Variants in PCDHGA1 observed in about 807,000 individuals in gnomAD.
The protein encoded by PCDHGA1 is protocadherin gamma subfamily A, 1.
A neutral mutation model predicts 58.0 loss-of-function variants in PCDHGA1; 32 were observed. That is an observed-to-expected ratio of 0.55 (90% CI 0.42 to 0.74). PCDHGA1 has a LOEUF of 0.74. PCDHGA1 is among the 30% of genes least tolerant of loss of function. The pLI, the probability that PCDHGA1 is intolerant of heterozygous loss-of-function variation, is 0.00. For missense variants in PCDHGA1, 1,205 were observed against 1,182.3 expected, an observed-to-expected ratio of 1.02 and a Z score of -0.28; for synonymous variants, 498 against 501.1, an observed-to-expected ratio of 0.99 and a Z score of 0.08.
At chr5:141,336,721 AT>A (rs1418478559) in intron 1 of PCDHGA1, among the ~76,000 whole-genome samples, 5 of 152,196 alleles carry the variant, frequency 3.3e-5, no homozygotes, top group African/African-American at 1.2e-4. Context: ...CATAACATTG[AT>A]TTTTGGCAAT....
At chr5:141,340,544 T>G (rs1195362983) in intron 1 of PCDHGA1, 4 of 1,614,224 alleles carry the variant, frequency 2.5e-6, no homozygotes, top group Non-Finnish European at 3.4e-6. Flanking sequence ...TTATGAGCAG[T>G]TGCGAGACTT....
At chr5:141,379,481 A>G (rs969144576) in intron 1 of PCDHGA1, 6 of 152,256 alleles carry the variant, frequency 3.9e-5, no homozygotes, top group Non-Finnish European at 5.9e-5. Context: ...ATGTTATTTT[A>G]CTATACTACC....
rs147674746 is a variant in PCDHGA1, at chr5:141,477,348, C to G, written c.2422-17459C>G. 7 of 1,614,180 alleles carry G rather than the reference C, an allele frequency of 4.3e-6. No individual in the cohort carries two copies. Among genetic ancestry groups the G allele is most frequent in the Non-Finnish European group, 5.9e-6 (7 of 1,180,030 alleles). ...CTCAAGAATTACTTCACTTTGAAAA[C>G]CAGTGCAGACCTGGATCGGGAGACT... is the stretch of plus-strand genomic sequence containing the variant. On this transcript the variant is annotated intron_variant, in intron 1 of 3. Transcript: ENST00000517417. The surrounding 1 kb of genome is among the most constrained non-coding windows in gnomAD (Gnocchi z 4.9).
At chr5:141,355,466 G>GTAT (rs767658844) in intron 1 of PCDHGA1, 12 of 1,613,976 alleles carry the variant, frequency 7.4e-6, no homozygotes, top group Non-Finnish European at 1.0e-5. Flanking sequence ...ACCGCGGGTA[G>GTAT]GATAGACAGG....
At chr5:141,349,984 C>T (rs769244141) in intron 1 of PCDHGA1, 1 of 306,668 alleles carries the variant, frequency 3.3e-6, no homozygotes. Flanking sequence ...CAAGAGGTTG[C>T]GCTTTGAGGA....
chr5:141,376,836 G>T, intron 1 of PCDHGA1: 1 of 252,676 alleles, frequency 4.0e-6, no homozygotes, highest in Admixed American at 5.1e-5. Context: ...ACAGGCGCCC[G>T]CCACCGCGCC....
chr5:141,361,794 C>T (rs1326854162), intron 1 of PCDHGA1: 1 of 1,613,214 alleles, frequency 6.2e-7, no homozygotes, highest in Non-Finnish European at 8.5e-7. Flanking sequence ...TGTTAGTGGG[C>T]GACCTCAATG....
Position 141,334,759 on chromosome 5 carries a change from A to G in PCDHGA1, c.2421+1654A>G, listed in dbSNP as rs1489460367. 6.6e-6 allele frequency: 1 copy of G among 152,262 alleles called. No individual in the cohort carries two copies. The highest frequency in any genetic ancestry group is 2.4e-5 in the African/African-American group (1 of 41,476). The allele number at this position is 152,262 out of a possible 1,614,324, so 9.4% of individuals were successfully genotyped here. On this transcript the variant is annotated intron_variant, in intron 1 of 3. Transcript: ENST00000517417. The surrounding 1 kb of genome is among the most constrained non-coding windows in gnomAD (Gnocchi z 4.6). ...ATATGTGAGCTGTGGTATCCAGAAT[A>G]TCACTGCTGTGCATCATTAAAGCGT...
chr5:141,374,977 T>C, intron 1 of PCDHGA1: 2 of 1,614,020 alleles, frequency 1.2e-6, no homozygotes, highest in Non-Finnish European at 1.7e-6. Flanking sequence ...ATGTTTTGAC[T>C]GGAGAAATTT....
chr5:141,427,711 A>T, intron 1 of PCDHGA1: 1 of 1,036,498 alleles, frequency 9.6e-7, no homozygotes, highest in Non-Finnish European at 1.5e-6. Context: ...AGCGCCTCTG[A>T]CCTGGACCTA....
In PCDHGA1 at chr5:141,394,620, T is replaced by C. The variant is rs775736772; in HGVS notation, c.2421+61515T>C. The C allele has an allele frequency of 8.1e-6, 13 of 1,613,124 alleles. 1 individual carries two copies. In the South Asian group the frequency reaches 1.4e-4, roughly 18 times the overall value. ...GGACAGAGACTCGGGCCAGAACGCC[T>C]GGCTGTCCTACCGCCTGCTCAAGGC... On this transcript the variant is annotated intron_variant, in intron 1 of 3. Coordinates refer to ENST00000517417, the MANE Select transcript of PCDHGA1 (RefSeq NM_018912.3).
chr5:141,400,454 T>C (rs779993462), intron 1 of PCDHGA1: 1 of 1,614,096 alleles, frequency 6.2e-7, no homozygotes, highest in Non-Finnish European at 8.5e-7. Flanking sequence ...CAAGACATAC[T>C]TTGTGGTGAT....
intron 1 of PCDHGA1, chr5:141,387,785 G>A: frequency 6.8e-7 from 1 of 1,472,108 alleles, no homozygotes; most frequent in Non-Finnish European, 9.1e-7. Flanking sequence ...AACTGGAACT[G>A]CAACTAAAGT....
In PCDHGA1 at chr5:141,357,420, T is replaced by G. The variant is rs754113080; in HGVS notation, c.2421+24315T>G. 1.9e-6 allele frequency: 3 copies of G among 1,614,132 alleles called. No individual in the cohort carries two copies. The highest frequency in any genetic ancestry group is 1.3e-5 in the African/African-American group (1 of 74,956). On this transcript the variant is annotated intron_variant, in intron 1 of 3. Transcript: ENST00000517417. ...TGGCAGGTGTGCCTGCCTCGCACTTTGTGGGCGTGGACGGGGTTCGGGCTT... is the reference window on the plus strand; with the variant it reads ...TGGCAGGTGTGCCTGCCTCGCACTTGGTGGGCGTGGACGGGGTTCGGGCTT...
At chr5:141,422,002 G>A (rs754599902) in intron 1 of PCDHGA1, 41 of 1,609,306 alleles carry the variant, frequency 2.5e-5, no homozygotes, top group Non-Finnish European at 3.1e-5. Flanking sequence ...CATCAGCTCC[G>A]GAACTCGGGT....
intron 1 of PCDHGA1, chr5:141,342,661 A>G (rs1030605908): frequency 3.9e-5 from 6 of 152,248 alleles, no homozygotes; most frequent in African/African-American, 1.4e-4. Flanking sequence ...AGTGAATAAT[A>G]AAGTATAAAC....
intron 1 of PCDHGA1, among the ~76,000 whole-genome samples, chr5:141,464,935 T>A (rs1157718693): frequency 6.6e-6 from 1 of 151,882 alleles, no homozygotes; most frequent in African/African-American, 2.4e-5. Flanking sequence ...AGATGTGAGG[T>A]CTCACTATGT....
intron 1 of PCDHGA1, chr5:141,395,737 A>T (rs2093305517): frequency 6.5e-6 from 1 of 152,906 alleles, no homozygotes; most frequent in Non-Finnish European, 1.5e-5. Flanking sequence ...TTCACTTTAA[A>T]CCTCTTTTCT....
At chr5:141,345,759 G>GA in intron 1 of PCDHGA1, 1 of 1,614,200 alleles carries the variant, frequency 6.2e-7, no homozygotes, top group Non-Finnish European at 8.5e-7. Context: ...CACTGGCGTG[G>GA]AGCTGGCGCC....
Sources: gnomAD v4.1 joint callset for allele counts (sites outside exome capture counted in the v4.1 genomes callset) on GRCh38, gnomAD v4.1.1 for gene constraint, Gnocchi (gnomAD v3.1) non-coding constraint, MANE v1.5 for transcripts, NCBI Gene and HGNC (gene_info 2026-07-23, HGNC 2026-07-21) for gene names.